IGFL4: variants seen among roughly 807,000 people sequenced by gnomAD.
IGFL4 encodes insulin growth factor-like family member 4.
Under a neutral mutation model 15.4 loss-of-function variants are expected in IGFL4, and 12 were observed. That is an observed-to-expected ratio of 0.78 (90% CI 0.50 to 1.26). The LOEUF (loss-of-function observed/expected upper bound fraction) is 1.26. Among genes scored for constraint, IGFL4 ranks in the 50% most tolerant of loss-of-function variants. The pLI is 0.00. For missense variants in IGFL4, 126 were observed against 147.8 expected (o/e 0.85, Z 0.76); for synonymous variants, 54 against 55.9 (o/e 0.97, Z 0.16).
At chr19:46,076,261 TGGA>T (rs1441145614) in intron 1 of IGFL4, among the ~76,000 whole-genome samples, 1 of 152,208 alleles carries the variant, frequency 6.6e-6, no homozygotes, top group Non-Finnish European at 1.5e-5. Flanking sequence ...ACGTGAATCT[TGGA>T]GGGACACAAA....
chr19:46,069,047 C>T (rs928539466), intron 1 of IGFL4, among the ~76,000 whole-genome samples: 5 of 152,238 alleles, frequency 3.3e-5, no homozygotes, highest in East Asian at 1.9e-4. Context: ...GCTGGCAGTA[C>T]GTGGGAAAGC....
chr19:46,063,683 G>A (rs1410957132), intron 1 of IGFL4, among the ~76,000 whole-genome samples: 1 of 152,160 alleles, frequency 6.6e-6, no homozygotes, highest in African/African-American at 2.4e-5. Context: ...GAGGCACTGA[G>A]TGGAAGTAAA....
intron 2 of IGFL4, among the ~76,000 whole-genome samples, chr19:46,055,398 G>A (rs984886027): frequency 1.3e-5 from 2 of 152,042 alleles, no homozygotes; most frequent in South Asian, 4.1e-4. Flanking sequence ...CTTCAGTAAC[G>A]TGTTTTCTTT....
At chr19:46,067,043 G>C (rs550159611) in intron 1 of IGFL4, among the ~76,000 whole-genome samples, 1 of 152,128 alleles carries the variant, frequency 6.6e-6, no homozygotes, top group Non-Finnish European at 1.5e-5. Context: ...CAATCTTGCT[G>C]TGGTCAATAA....
chr19:46,039,976 G>C, intron 3 of IGFL4, 40 bp from the exon 4 acceptor site: 4 of 1,579,064 alleles, frequency 2.5e-6, no homozygotes, highest in Non-Finnish European at 3.5e-6. Flanking sequence ...ATAAGAGGGA[G>C]GGTGGTAGCA....
At chr19:46,045,852 T>C (rs949868409), upstream of IGFL4, among the ~76,000 whole-genome samples, 2 of 152,110 alleles carry the variant, frequency 1.3e-5, no homozygotes, top group Non-Finnish European at 2.9e-5. Context: ...CAGGATATCA[T>C]CCAGGAGAAC....
intron 2 of IGFL4, among the ~76,000 whole-genome samples, chr19:46,052,693 G>T (rs1462775074): frequency 6.7e-6 from 1 of 148,482 alleles, no homozygotes; most frequent in Non-Finnish European, 1.5e-5. Flanking sequence ...TTGCACTCCA[G>T]CCTGGGCGAC....
chr19:46,057,808 G>T (rs1391863682), intron 2 of IGFL4: 2 of 152,116 alleles, frequency 1.3e-5, no homozygotes, highest in East Asian at 3.9e-4. Context: ...TTGTGCAAGG[G>T]AACTCTCATT....
chr19:46,064,421 A>G (rs1969475608), intron 1 of IGFL4, among the ~76,000 whole-genome samples: 1 of 152,064 alleles, frequency 6.6e-6, no homozygotes, highest in Non-Finnish European at 1.5e-5. Context: ...TTTTGTACCC[A>G]TTAACCATCC....
At position 46,040,854 on chromosome 19, in the gene IGFL4, G is replaced by T; in HGVS notation, c.19+90C>A. On this transcript the variant is annotated intron_variant, in intron 1 of 3. Transcript: ENST00000377697. The surrounding 1 kb of genome is among the most constrained non-coding windows in gnomAD (Gnocchi z 4.1). Reference sequence around the variant, plus strand: ...GAGGTGGGACACCAATAATTAAATAGGGAAGAGAGAATTAACTTTGAAGTT... The same window carrying T: ...GAGGTGGGACACCAATAATTAAATATGGAAGAGAGAATTAACTTTGAAGTT... The T allele has an allele frequency of 8.1e-7, 1 of 1,236,862 alleles. No individual in the cohort carries two copies. The highest frequency in any genetic ancestry group is 2.5e-5 in the East Asian group (1 of 39,762). 76.6% of individuals were successfully genotyped at this position (1,236,862 alleles called of 1,614,324 possible). A position where few individuals can be genotyped will look rare whatever the true frequency, so the allele number is the denominator to read the frequency against.
chr19:46,040,116 A>G lies in IGFL4; in HGVS notation c.330+41T>C, dbSNP rs1969222390. The G allele has an allele frequency of 5.0e-6, 8 of 1,608,336 alleles. No homozygotes were observed. The highest frequency in any genetic ancestry group is 6.8e-6 in the Non-Finnish European group (8 of 1,176,982). ...CATGGACAACCAAGCTCCATTCCCTACTCCCCCCTCCCACAGCCTGGACTG... is the reference window on the plus strand; with the variant it reads ...CATGGACAACCAAGCTCCATTCCCTGCTCCCCCCTCCCACAGCCTGGACTG... On this transcript the variant is annotated intron_variant, in intron 3 of 3. Transcript: ENST00000377697. The surrounding 1 kb of genome is among the most constrained non-coding windows in gnomAD (Gnocchi z 4.1).
At chr19:46,042,596 C>T (rs1480405132), upstream of IGFL4, among the ~76,000 whole-genome samples, 3 of 152,248 alleles carry the variant, frequency 2.0e-5, no homozygotes, top group Non-Finnish European at 4.4e-5. Context: ...CTGACAGATT[C>T]TGTTAGTGAC....
chr19:46,058,052 C>T (rs2146520875), intron 2 of IGFL4: 1 of 152,130 alleles, frequency 6.6e-6, no homozygotes, highest in Non-Finnish European at 1.5e-5. Context: ...ATACCTTCCC[C>T]ACAGTCCCCC....
At chr19:46,067,456 C>T (rs1400355664) in intron 1 of IGFL4, among the ~76,000 whole-genome samples, 2 of 152,132 alleles carry the variant, frequency 1.3e-5, no homozygotes, top group Admixed American at 6.5e-5. Context: ...AGGAATAGTG[C>T]CCCTACCCCG....
At chr19:46,065,930 C>T (rs923848352) in intron 1 of IGFL4, among the ~76,000 whole-genome samples, 1 of 152,140 alleles carries the variant, frequency 6.6e-6, no homozygotes, top group South Asian at 2.1e-4. Context: ...TGGGAGCAGG[C>T]AGAGGGTATG....
intron 1 of IGFL4, chr19:46,063,013 C>T (rs1035935510): frequency 6.6e-6 from 1 of 152,162 alleles, no homozygotes; most frequent in South Asian, 2.1e-4. Context: ...TAGAGAGGGA[C>T]TTTACTGAGA....
Position 46,060,321 on chromosome 19 carries a change from C to T in IGFL4, c.-431-28G>A, listed in dbSNP as rs1390907501. ...GAAAAACAAAACAAAGGATCCGCAACATTTTAAGCAAAAAGCCGAAAAAGA... is the reference window on the plus strand; with the variant it reads ...GAAAAACAAAACAAAGGATCCGCAATATTTTAAGCAAAAAGCCGAAAAAGA... On this transcript the variant is annotated intron_variant, in intron 1 of 5. Coordinates refer to the IGFL4 transcript ENST00000601672. 2.0e-5 allele frequency: 3 copies of T among 152,160 alleles called. No homozygotes were observed. In the East Asian group the frequency reaches 5.8e-4, roughly 29 times the overall value. The allele number at this position is 152,160 out of a possible 1,614,324, so 9.4% of individuals were successfully genotyped here. A position where few individuals can be genotyped will look rare whatever the true frequency, so the allele number is the denominator to read the frequency against.
At chr19:46,046,015 G>C (rs1969294850) in intron 2 of IGFL4, among the ~76,000 whole-genome samples, 2 of 152,264 alleles carry the variant, frequency 1.3e-5, no homozygotes, top group South Asian at 4.1e-4. Context: ...CAGCCAGAGA[G>C]AAAGGCCAGG....
At position 46,040,316 on chromosome 19, in the gene IGFL4, G is replaced by A. The variant is rs767767464; in HGVS notation, c.171C>T (p.Asn57=). Residue 57 remains asparagine (N), a synonymous_variant, in exon 3 of 4, where the codon AAC becomes AAT. Transcript: ENST00000377697. This position sits in a 1 kb window ranked among gnomAD's most constrained non-coding sequence, Gnocchi z 4.1. ...AGCTGGAGCCGCAGAGCCGGGTCTG[G>A]TTCAAGTCTAGGATGACACCGTCAT... The part of the protein sequence containing the change: ...CCDDGVILDL[N]QTRLCGSSCT... 1 of 1,614,182 alleles carries A rather than the reference G, an allele frequency of 6.2e-7. No individual in the cohort carries two copies. Among genetic ancestry groups the A allele is most frequent in the Non-Finnish European group, 8.5e-7 (1 of 1,180,030 alleles).
Sources: allele counts gnomAD v4.1 joint callset (sites outside exome capture counted in the v4.1 genomes callset), GRCh38; gene constraint gnomAD v4.1.1; non-coding constraint Gnocchi (gnomAD v3.1); transcripts MANE v1.5; gene names NCBI Gene and HGNC (gene_info 2026-07-23, HGNC 2026-07-21).